Variants in RERE observed in about 807,000 individuals in gnomAD.
The protein encoded by RERE is arginine-glutamic acid dipeptide repeats.
Under a neutral mutation model 146.1 loss-of-function variants are expected in RERE, and 40 were observed. The observed-to-expected ratio is 0.27, with a 90% CI of 0.21 to 0.36. The LOEUF (loss-of-function observed/expected upper bound fraction) is 0.36, where lower values mean the gene tolerates loss of function less well. Among genes scored for constraint, RERE ranks in the 10% least tolerant of loss-of-function variants. RERE has a pLI of 1.00. For missense variants in RERE, 1,933 were observed against 2,138.7 expected, an observed-to-expected ratio of 0.90 and a Z score of 1.90; for synonymous variants, 1,003 against 866.0, an observed-to-expected ratio of 1.16 and a Z score of -2.78.
intron 7 of RERE, among the ~76,000 whole-genome samples, chr1:8,535,239 T>C (rs181337321): frequency 1.4e-3 from 207 of 152,326 alleles, no homozygotes; most frequent in African/African-American, 4.8e-3. Flanking sequence ...AAGAAGCAAC[T>C]GAAAAACTGT....
At chr1:8,626,768 T>C (rs1418395192) in intron 2 of RERE, among the ~76,000 whole-genome samples, 1 of 152,220 alleles carries the variant, frequency 6.6e-6, no homozygotes. Context: ...TAATAGACAG[T>C]GCTCCTGACC....
intron 12 of RERE, among the ~76,000 whole-genome samples, chr1:8,372,507 C>CGTGTGTGTGTGTGTGTGTGTGTGT (rs6143111): frequency 0.013 from 1,668 of 131,770 alleles, 50 homozygotes; most frequent in East Asian, 0.05. Context: ...ACCATCAGGT[C>CGTGTGTGTGTGTGTGTGTGTGTGT]GTGTGTGTGT....
intron 1 of RERE, among the ~76,000 whole-genome samples, chr1:8,683,438 G>T (rs1010322994): frequency 2.0e-5 from 3 of 152,032 alleles, no homozygotes; most frequent in African/African-American, 7.2e-5. Flanking sequence ...GAGAAAAGAC[G>T]GGGAGGGATG....
intron 7 of RERE, among the ~76,000 whole-genome samples, chr1:8,514,388 G>C (rs1449515416): frequency 6.6e-6 from 1 of 152,200 alleles, no homozygotes; most frequent in Non-Finnish European, 1.5e-5. Context: ...CTGTCTTTTG[G>C]TATAGGGCAG....
intron 1 of RERE, among the ~76,000 whole-genome samples, chr1:8,710,284 T>C (rs902604872): frequency 2.6e-5 from 4 of 152,198 alleles, no homozygotes; most frequent in Admixed American, 6.5e-5. Context: ...GCAATCTACG[T>C]AATATACTCT....
At chr1:8,694,404 G>A (rs1248564583) in intron 1 of RERE, among the ~76,000 whole-genome samples, 1 of 152,060 alleles carries the variant, frequency 6.6e-6, no homozygotes, top group East Asian at 1.9e-4. Flanking sequence ...AAATAACTAG[G>A]AATACACCTA....
Position 8,355,585 on chromosome 1 carries a change from G to A in RERE, c.4501C>T (p.Arg1501Cys), listed in dbSNP as rs1367930403. ...RHPVFGTPYPRDLPGAIPPPM... is the reference protein window; with the variant it reads ...RHPVFGTPYPCDLPGAIPPPM... The stretch of plus-strand genomic sequence containing the variant: ...GGTGGGATGGCCCCAGGCAGGTCAC[G>A]GGGGTAGGGGGTGCCTGCCGAACAC... The change falls in exon 22 of 23, where the codon CGT (arginine) becomes TGT (cysteine). Residue 1501 changes from arginine (R) to cysteine (C), a missense_variant. Physicochemically the swap from Arg to Cys is radical, Grantham distance 180. Around this residue, in one of 11 missense-constraint regions of RERE, gnomAD observed 133 missense variants for 168.6 expected, o/e 0.79. Coordinates refer to ENST00000400908, the MANE Select transcript of RERE (RefSeq NM_001042681.2). 3.8e-6 allele frequency: 6 copies of A among 1,579,956 alleles called. No homozygotes were observed. In the African/African-American group the frequency reaches 6.7e-5, roughly 18 times the overall value.
At chr1:8,725,423 G>T (rs753510983) in intron 1 of RERE, among the ~76,000 whole-genome samples, 5 of 152,026 alleles carry the variant, frequency 3.3e-5, no homozygotes, top group Non-Finnish European at 5.9e-5. Flanking sequence ...AAAATTATCC[G>T]GGCATGGTGG....
At chr1:8,645,961 ATAAC>A (rs1165053444) in intron 2 of RERE, among the ~76,000 whole-genome samples, 1 of 152,250 alleles carries the variant, frequency 6.6e-6, no homozygotes, top group African/African-American at 2.4e-5. Flanking sequence ...AATGTAATCC[ATAAC>A]TAAAAGTTCA....
In RERE at chr1:8,465,956, A is replaced by G. The variant is rs1471405043; in HGVS notation, c.1172T>C (p.Leu391Pro). The change falls in exon 11 of 23, where the codon CTC becomes CCC. Residue 391 changes from leucine (L) to proline (P), a missense_variant. This residue lies in a region of RERE where 260 missense variants were observed against 378.4 expected (regional missense o/e 0.69). Coordinates refer to ENST00000400908, the MANE Select transcript of RERE (RefSeq NM_001042681.2). Reference sequence around the variant, plus strand: ...GTCCTCGGTCCAGCACTTCTCGATGAGCTTGGGCACAGGCTTCTTCACCAG... The same window carrying G: ...GTCCTCGGTCCAGCACTTCTCGATGGGCTTGGGCACAGGCTTCTTCACCAG... The part of the protein sequence containing the change: ...QRLVKKPVPK[L>P]IEKCWTEDEV... 1.2e-6 allele frequency: 2 copies of G among 1,614,156 alleles called. No homozygotes were observed. The highest frequency in any genetic ancestry group is 1.3e-5 in the African/African-American group (1 of 75,048).
chr1:8,529,465 AT>A lies in RERE; in HGVS notation c.830+11748del, dbSNP rs35913350. ...CCACTACACCCAACTAAATTTTTTA[AT>A]TTTTTTTTTTTTTTTAGCAGAGACA... is the stretch of plus-strand genomic sequence containing the variant. On this transcript the variant is annotated intron_variant, in intron 7 of 22. Transcript: ENST00000400908. 1.0e-2 allele frequency among the ~76,000 whole-genome samples: 1,447 copies of A among 145,380 alleles called. 24 individuals carry two copies. The highest frequency in any genetic ancestry group is 0.029 in the African/African-American group (1,127 of 39,228).
At chr1:8,593,844 G>C (rs1472665114) in intron 4 of RERE, among the ~76,000 whole-genome samples, 3 of 152,154 alleles carry the variant, frequency 2.0e-5, no homozygotes, top group Non-Finnish European at 4.4e-5. Context: ...AGGGGCTGTG[G>C]CTCCAGCCAC....
At chr1:8,532,053 A>G (rs1301161012) in intron 7 of RERE, among the ~76,000 whole-genome samples, 6 of 152,220 alleles carry the variant, frequency 3.9e-5, no homozygotes, top group Admixed American at 3.9e-4. Context: ...TACATACGCT[A>G]TGTATCCACA....
intron 11 of RERE, among the ~76,000 whole-genome samples, chr1:8,458,566 T>A (rs892811146): frequency 6.6e-5 from 10 of 151,394 alleles, no homozygotes; most frequent in Admixed American, 1.3e-4. Context: ...CACAGACGTG[T>A]GCGCATGCGC....
At chr1:8,801,848 CAA>C (rs1400045140) in intron 1 of RERE, among the ~76,000 whole-genome samples, 3 of 152,252 alleles carry the variant, frequency 2.0e-5, no homozygotes, top group African/African-American at 4.8e-5. Flanking sequence ...GGATGCGAAC[CAA>C]AGAGTCTGAG....
chr1:8,595,845 T>C (rs892404998), intron 4 of RERE, among the ~76,000 whole-genome samples: 1 of 152,016 alleles, frequency 6.6e-6, no homozygotes, highest in Non-Finnish European at 1.5e-5. Context: ...AAAGAAGAAA[T>C]GCAATTCCCA....
At chr1:8,435,293 TG>T (rs1397399318) in intron 11 of RERE, among the ~76,000 whole-genome samples, 1 of 152,202 alleles carries the variant, frequency 6.6e-6, no homozygotes, top group Non-Finnish European at 1.5e-5. Context: ...AAAGGGCCTT[TG>T]TTTTGTTCAC....
At chr1:8,412,419 A>C (rs1452557599) in intron 12 of RERE, among the ~76,000 whole-genome samples, 1 of 152,224 alleles carries the variant, frequency 6.6e-6, no homozygotes, top group African/African-American at 2.4e-5. Flanking sequence ...GTCAACAGTC[A>C]TAGGAAGCTT....
intron 12 of RERE, among the ~76,000 whole-genome samples, chr1:8,377,354 A>G (rs1642292002): frequency 6.6e-6 from 1 of 152,066 alleles, no homozygotes; most frequent in Admixed American, 6.5e-5. Context: ...ATAGGATGTA[A>G]ATATTTTAAG....
Sources: allele counts gnomAD v4.1 joint callset (sites outside exome capture counted in the v4.1 genomes callset), GRCh38; gene constraint gnomAD v4.1.1; regional missense constraint gnomAD v4.1.1; transcripts MANE v1.5; gene names NCBI Gene and HGNC (gene_info 2026-07-23, HGNC 2026-07-21).